The following NCEH1 variants were observed in gnomAD, a reference collection of about 807,000 sequenced individuals.
NCEH1 encodes 2-acetyl MAGE hydrolase.
NCEH1 carries 9 observed loss-of-function variants against 25.4 expected under a neutral mutation model. The ratio of observed to expected loss-of-function variants is 0.35; its 90% CI spans 0.21 to 0.62. NCEH1 has a LOEUF of 0.62. Among genes scored for constraint, NCEH1 ranks in the 20% least tolerant of loss-of-function variants. The pLI, the probability that NCEH1 is intolerant of heterozygous loss-of-function variation, is 0.72. For synonymous variants in NCEH1, 200 were observed against 199.8 expected (o/e 1.00, Z -0.01); for missense variants, 412 against 501.1 (o/e 0.82, Z 1.70).
rs949628102 is a variant in NCEH1 at position 172,631,003 on chromosome 3, G to T, written c.*2472C>A. ...TCATTTTTTTCATAAAATAGGAAAA[G>T]AAAGCCACAGTACTAAAAAAAAAAA... On this transcript the variant is annotated 3_prime_UTR_variant, in exon 5 of 5. Coordinates refer to ENST00000475381, the MANE Select transcript of NCEH1 (RefSeq NM_020792.6). The T allele has an allele frequency of 3.8e-4, 57 of 150,232 alleles. No individual in the cohort carries two copies. The highest frequency in any genetic ancestry group is 1.3e-3 in the African/African-American group (53 of 40,766). 9.3% of individuals were successfully genotyped at this position (150,232 alleles called of 1,614,324 possible). A position where few individuals can be genotyped will look rare whatever the true frequency, so the allele number is the denominator to read the frequency against.
intron 1 of NCEH1, among the ~76,000 whole-genome samples, chr3:172,678,437 C>T (rs114940722): frequency 6.6e-5 from 10 of 152,324 alleles, no homozygotes; most frequent in African/African-American, 2.4e-4. Context: ...TAAATCTACA[C>T]CAGGAGCAGC....
chr3:172,681,908 C>CA (rs10711610), intron 1 of NCEH1, among the ~76,000 whole-genome samples: 26,906 of 143,566 alleles, frequency 0.19, 2,677 homozygotes, highest in African/African-American at 0.24. Context: ...GAGACTGTCT[C>CA]AAAAAAAAAA....
At chr3:172,701,269 A>G (rs978234183) in intron 1 of NCEH1, among the ~76,000 whole-genome samples, 11 of 152,026 alleles carry the variant, frequency 7.2e-5, no homozygotes, top group African/African-American at 2.4e-4. Context: ...AATCAGGGTC[A>G]TGGTCCCCAT....
At chr3:172,697,092 T>C (rs890566751) in intron 1 of NCEH1, among the ~76,000 whole-genome samples, 5 of 108,726 alleles carry the variant, frequency 4.6e-5, no homozygotes, top group African/African-American at 1.5e-4. Flanking sequence ...GCCCAGCTAA[T>C]TTTTTTTTTT....
chr3:172,650,464 A>G, intron 1 of NCEH1, among the ~76,000 whole-genome samples: 1 of 151,020 alleles, frequency 6.6e-6, no homozygotes, highest in East Asian at 1.9e-4. Flanking sequence ...TAACATGGTG[A>G]AACCCTGTCT....
intron 1 of NCEH1, among the ~76,000 whole-genome samples, chr3:172,677,765 A>G (rs902921510): frequency 9.8e-5 from 15 of 152,352 alleles, no homozygotes; most frequent in Non-Finnish European, 2.1e-4. Context: ...CGTCTCTACT[A>G]AAAATACAAA....
intron 1 of NCEH1, among the ~76,000 whole-genome samples, chr3:172,702,456 A>C (rs1215673219): frequency 6.6e-6 from 1 of 152,168 alleles, no homozygotes; most frequent in African/African-American, 2.4e-5. Flanking sequence ...CCATCATTCA[A>C]GTGCCCACCT....
chr3:172,681,473 A>G lies in NCEH1; in HGVS notation c.138+29374T>C, dbSNP rs145717805. ...GAATTTAACTTGAAACTATTATTTCATGATCTCTTCTGTGAGGATTGCAAA... is the reference window on the plus strand; with the variant it reads ...GAATTTAACTTGAAACTATTATTTCGTGATCTCTTCTGTGAGGATTGCAAA... On this transcript the variant is annotated intron_variant, in intron 1 of 4. Coordinates refer to ENST00000475381, the MANE Select transcript of NCEH1 (RefSeq NM_020792.6). Among the ~76,000 whole-genome samples the G allele has an allele frequency of 2.4e-3, 363 of 152,292 alleles. 1 individual carries two copies. Among genetic ancestry groups the G allele is most frequent in the African/African-American group, 8.4e-3 (348 of 41,560 alleles).
chr3:172,667,429 C>T (rs1340413648), intron 1 of NCEH1, among the ~76,000 whole-genome samples: 2 of 152,142 alleles, frequency 1.3e-5, no homozygotes, highest in African/African-American at 4.8e-5. Flanking sequence ...TTTTGGGGAG[C>T]CAGGCAGATC....
At position 172,653,756 on chromosome 3, in the gene NCEH1, T is replaced by TTGTTTTTG. The variant is rs1553830368; in HGVS notation, c.139-5643_139-5642insCAAAAACA. On this transcript the variant is annotated intron_variant, in intron 1 of 4. Transcript: ENST00000475381. ...TTCTGTTTTTTTTGTTTTTTTGTTT[T>TTGTTTTTG]TTTGTTTTTTTTTTTTTTTGAGACA... 7.2e-5 allele frequency among the ~76,000 whole-genome samples: 7 copies of TTGTTTTTG among 96,946 alleles called. 1 individual carries two copies. The South Asian group carries it at 1.0e-3, about 14-fold the overall frequency. 63.6% of individuals were successfully genotyped at this position (96,946 alleles called of 152,430 possible).
intron 1 of NCEH1, among the ~76,000 whole-genome samples, chr3:172,653,744 G>GTTTTTTTT (rs796835886): frequency 6.3e-5 from 6 of 95,650 alleles, no homozygotes; most frequent in African/African-American, 2.1e-4. Flanking sequence ...TGTTTTTTTT[G>GTTTTTTTT]TTTTTTTGTT....
In NCEH1 at chr3:172,633,564, A is replaced by G; in HGVS notation, c.1138T>C (p.Cys380Arg). ...GTGGGCCAGCTAGTGAAAATCATACATCCGTGAAAGCCATCCTCAAAGTGA... is the reference window on the plus strand; with the variant it reads ...GTGGGCCAGCTAGTGAAAATCATACGTCCGTGAAAGCCATCCTCAAAGTGA... ...LDHFEDGFHG[C>R]MIFTSWPTNF... The change falls in exon 5 of 5, where the codon TGT (cysteine) becomes CGT (arginine). Residue 380 changes from cysteine to arginine, a missense_variant. Cys to Arg is a radical substitution (Grantham distance 180, BLOSUM62 -3). This residue lies in a region of NCEH1 where 210 missense variants were observed against 258.2 expected (regional missense o/e 0.81). Coordinates refer to ENST00000475381, the MANE Select transcript of NCEH1 (RefSeq NM_020792.6). 6.2e-7 allele frequency: 1 copy of G among 1,614,084 alleles called. No individual in the cohort carries two copies. The highest frequency in any genetic ancestry group is 8.5e-7 in the Non-Finnish European group (1 of 1,179,990).
At chr3:172,652,601 G>C (rs192655212) in intron 1 of NCEH1, among the ~76,000 whole-genome samples, 91 of 152,286 alleles carry the variant, frequency 6.0e-4, no homozygotes, top group Admixed American at 1.3e-3. Context: ...AAGGATGAAG[G>C]CTTAAAATAT....
In NCEH1 at chr3:172,633,374, G is replaced by C. The variant is rs1334771297; in HGVS notation, c.*101C>G. 1.8e-6 allele frequency: 2 copies of C among 1,099,526 alleles called. No individual in the cohort carries two copies. The highest frequency in any genetic ancestry group is 1.6e-5 in the African/African-American group (1 of 63,596). 68.1% of individuals were successfully genotyped at this position (1,099,526 alleles called of 1,614,324 possible). A position where few individuals can be genotyped will look rare whatever the true frequency, so the allele number is the denominator to read the frequency against. On this transcript the variant is annotated 3_prime_UTR_variant, in exon 5 of 5. Coordinates refer to ENST00000475381, the MANE Select transcript of NCEH1 (RefSeq NM_020792.6). ...AGAAATTCCATAACTCGCAAGTAGA[G>C]GGGAATGGGAGGAAGAATTAGTCAA...
chr3:172,709,072 C>A lies in NCEH1; in HGVS notation c.138+1775G>T, dbSNP rs550581818. 4.6e-5 allele frequency among the ~76,000 whole-genome samples: 7 copies of A among 152,332 alleles called. No individual in the cohort carries two copies. The East Asian group carries it at 1.4e-3, about 29-fold the overall frequency. ...AGAACACTGGTTACCTCATCTATTGCTGACTTCAGGTTACACCCACTATCA... is the reference window on the plus strand; with the variant it reads ...AGAACACTGGTTACCTCATCTATTGATGACTTCAGGTTACACCCACTATCA... On this transcript the variant is annotated intron_variant, in intron 1 of 4. Coordinates refer to ENST00000475381, the MANE Select transcript of NCEH1 (RefSeq NM_020792.6).
At chr3:172,692,834 G>T (rs1260117423) in intron 1 of NCEH1, among the ~76,000 whole-genome samples, 1 of 152,220 alleles carries the variant, frequency 6.6e-6, no homozygotes, top group Non-Finnish European at 1.5e-5. Context: ...CCATGGTTCA[G>T]TCATGTAAAG....
intron 1 of NCEH1, among the ~76,000 whole-genome samples, chr3:172,650,438 T>C (rs1335825119): frequency 6.6e-6 from 1 of 151,412 alleles, no homozygotes; most frequent in Non-Finnish European, 1.5e-5. Context: ...GGTCAGGAGA[T>C]CGAGACCATC....
intron 1 of NCEH1, among the ~76,000 whole-genome samples, chr3:172,655,344 T>C (rs1405232605): frequency 1.3e-5 from 2 of 152,198 alleles, no homozygotes; most frequent in African/African-American, 2.4e-5. Flanking sequence ...TACGCCTCAG[T>C]GGAACCGGAC....
intron 1 of NCEH1, among the ~76,000 whole-genome samples, chr3:172,657,201 T>C (rs1717736783): frequency 6.6e-6 from 1 of 152,220 alleles, no homozygotes; most frequent in Non-Finnish European, 1.5e-5. Flanking sequence ...ACCAGCAGCC[T>C]ACTAAATTCA....
Sources: gnomAD v4.1 joint callset for allele counts (sites outside exome capture counted in the v4.1 genomes callset) on GRCh38, gnomAD v4.1.1 for gene constraint, gnomAD v4.1.1 regional missense constraint, MANE v1.5 for transcripts, NCBI Gene and HGNC (gene_info 2026-07-23, HGNC 2026-07-21) for gene names.